Variants in GCA observed in about 807,000 individuals in gnomAD.
The protein encoded by GCA is grancalcin.
In GCA, 30 loss-of-function variants were observed where a neutral mutation model predicts 32.6. That is an observed-to-expected ratio of 0.92 (90% CI 0.69 to 1.25). GCA has a LOEUF of 1.25. GCA is among the 50% of genes most tolerant of loss of function. The probability of loss-of-function intolerance (pLI) is 0.00; values close to 1 mark genes in which losing one functional copy is unlikely to be tolerated. For synonymous variants in GCA, 102 were observed against 84.6 expected (o/e 1.21, Z -1.13); for missense variants, 291 against 266.8 (o/e 1.09, Z -0.63).
In GCA at chr2:162,352,263, A is replaced by T. The variant is rs1223863569; in HGVS notation, c.193-75A>T. The T allele has an allele frequency of 1.1e-5, 10 of 875,862 alleles. No homozygotes were observed. The East Asian group carries it at 2.4e-4, about 21-fold the overall frequency. The allele number at this position is 875,862 out of a possible 1,614,324, so 54.3% of individuals were successfully genotyped here. ...AGAATGCATATGTCTTGATTGGCCT[A>T]GAACAGTCAATTGACATTTTAATAT... On this transcript the variant is annotated intron_variant, in intron 2 of 7. Coordinates refer to ENST00000437150, the MANE Select transcript of GCA (RefSeq NM_012198.5).
At chr2:162,327,599 C>G (rs748647721) in intron 1 of GCA, among the ~76,000 whole-genome samples, 4 of 152,136 alleles carry the variant, frequency 2.6e-5, no homozygotes, top group Non-Finnish European at 5.9e-5. Context: ...TGCTCCTGCT[C>G]CCCCTATTGG....
At chr2:162,344,426 A>G (rs1372447414) in intron 1 of GCA, 151 bp downstream of exon 1, 5 of 722,494 alleles carry the variant, frequency 6.9e-6, no homozygotes, top group Non-Finnish European at 1.2e-5. Flanking sequence ...GTTGGGGGCC[A>G]GGGCCTGGGC....
rs1684555591 is a variant in GCA, at chr2:162,344,201, T to G, written c.-48T>G. ...GCGCCTGTGCTTTTTCTCCCAGCAC[T>G]GCGGACGCGACTCGAGGGTGACGCT... On this transcript the variant is annotated 5_prime_UTR_variant, in exon 1 of 8. Transcript: ENST00000437150. The G allele has an allele frequency of 6.2e-7, 1 of 1,611,950 alleles. No homozygotes were observed. The highest frequency in any genetic ancestry group is 8.5e-7 in the Non-Finnish European group (1 of 1,178,406).
chr2:162,360,763 AT>A lies in GCA; in HGVS notation c.*521del, dbSNP rs10713741. The A allele has an allele frequency of 7.9e-3, 10,956 of 1,380,548 alleles. 695 individuals carry two copies. The Admixed American group carries it at 0.15, about 19-fold the overall frequency. 85.5% of individuals were successfully genotyped at this position (1,380,548 alleles called of 1,614,324 possible). A position where few individuals can be genotyped will look rare whatever the true frequency, so the allele number is the denominator to read the frequency against. On this transcript the variant is annotated 3_prime_UTR_variant, in exon 8 of 8. Coordinates refer to ENST00000437150, the MANE Select transcript of GCA (RefSeq NM_012198.5). ...ATAATCAGAGAAAAGAAACTTAAAGATCTTTGTCTGTGAAGAAGAAAATTAT... is the reference window on the plus strand; with the variant it reads ...ATAATCAGAGAAAAGAAACTTAAAGACTTTGTCTGTGAAGAAGAAAATTAT...
intron 3 of GCA, 55 bp downstream of exon 3, chr2:162,352,462 C>CT (rs1443172104): frequency 7.6e-6 from 8 of 1,049,160 alleles, no homozygotes; most frequent in Non-Finnish European, 1.2e-5. Flanking sequence ...TATTTTCTTA[C>CT]TTTTTTTGTC....
At chr2:162,370,624 C>A (rs1685898834) in intron 4 of GCA, among the ~76,000 whole-genome samples, 1 of 151,990 alleles carries the variant, frequency 6.6e-6, no homozygotes, top group African/African-American at 2.4e-5. Context: ...TGAAATTTTA[C>A]TGCTGGTATG....
chr2:162,337,711 G>C (rs1035306467), intron 1 of GCA, among the ~76,000 whole-genome samples: 1 of 152,132 alleles, frequency 6.6e-6, no homozygotes, highest in Non-Finnish European at 1.5e-5. Flanking sequence ...CTTTGTACCA[G>C]GAGAGTACTA....
At chr2:162,368,461 TTAAA>T (rs1429505418) in intron 4 of GCA, among the ~76,000 whole-genome samples, 1 of 151,992 alleles carries the variant, frequency 6.6e-6, no homozygotes. Context: ...GATACTGTTG[TTAAA>T]TAACAGTATC....
rs1452024748 is a variant in GCA, at chr2:162,321,923, TATATATATATAC to T, written c.-31+2700_-31+2711del. Among the ~76,000 whole-genome samples, 819 of 87,862 alleles carry T rather than the reference TATATATATATAC, an allele frequency of 9.3e-3. 37 individuals carry two copies. Among genetic ancestry groups the T allele is most frequent in the African/African-American group, 0.05 (767 of 15,294 alleles). 57.6% of individuals were successfully genotyped at this position (87,862 alleles called of 152,430 possible). On this transcript the variant is annotated intron_variant, in intron 1 of 4. Transcript: ENST00000429691. ...ATATATATATATATATATATATATA[TATATATATATAC>T]ACACATACATATAAACACTATATAA...
At chr2:162,374,307 C>A (rs1466732556), downstream of GCA, among the ~76,000 whole-genome samples, 1 of 152,140 alleles carries the variant, frequency 6.6e-6, no homozygotes, top group East Asian at 1.9e-4. Context: ...ATCTGGCCTG[C>A]AAAATACCAG....
At position 162,361,188 on chromosome 2, in the gene GCA, A is replaced by G; in HGVS notation, c.*945A>G. 1.0e-6 allele frequency: 1 copy of G among 985,176 alleles called. No individual in the cohort carries two copies. 61.0% of individuals were successfully genotyped at this position (985,176 alleles called of 1,614,324 possible). ...ACATTAGTGGTGGCTTTGCCATTAAAAACCCAGTAAGTATTTTGAGTGCAT... is the reference window on the plus strand; with the variant it reads ...ACATTAGTGGTGGCTTTGCCATTAAGAACCCAGTAAGTATTTTGAGTGCAT... On this transcript the variant is annotated 3_prime_UTR_variant, in exon 8 of 8. Transcript: ENST00000437150.
At chr2:162,334,593 T>C (rs1684203004) in intron 1 of GCA, among the ~76,000 whole-genome samples, 2 of 152,226 alleles carry the variant, frequency 1.3e-5, no homozygotes, top group South Asian at 4.1e-4. Context: ...CCTGCACCTT[T>C]CTTTTGTGAT....
downstream of GCA, among the ~76,000 whole-genome samples, chr2:162,364,043 G>A (rs1685675945): frequency 3.3e-5 from 5 of 151,498 alleles, no homozygotes; most frequent in Admixed American, 3.3e-4. Context: ...CCGGGAGTGA[G>A]AATTGGCCTA....
At chr2:162,341,264 ATT>A (rs1393395830), upstream of GCA, among the ~76,000 whole-genome samples, 1 of 90,028 alleles carries the variant, frequency 1.1e-5, no homozygotes, top group Non-Finnish European at 2.1e-5. Context: ...TGTCTTATTT[ATT>A]TTATATATAT....
chr2:162,360,614 C>T lies in GCA; in HGVS notation c.*371C>T. On this transcript the variant is annotated 3_prime_UTR_variant, in exon 8 of 8. Transcript: ENST00000437150. ...AAAGCCTAGAAAAAACTAATTTATA[C>T]TTATCTGAAGGTTACAAATTAGACT... 8.3e-7 allele frequency: 1 copy of T among 1,208,526 alleles called. No individual in the cohort carries two copies. The highest frequency in any genetic ancestry group is 1.0e-6 in the Non-Finnish European group (1 of 959,252). The allele number at this position is 1,208,526 out of a possible 1,614,324, so 74.9% of individuals were successfully genotyped here. A position where few individuals can be genotyped will look rare whatever the true frequency, so the allele number is the denominator to read the frequency against.
upstream of GCA, among the ~76,000 whole-genome samples, chr2:162,341,367 C>G (rs908188668): frequency 6.8e-6 from 1 of 147,870 alleles, no homozygotes; most frequent in Admixed American, 6.8e-5. Flanking sequence ...TGACTCTTTT[C>G]TCTCCCTCAT....
downstream of GCA, among the ~76,000 whole-genome samples, chr2:162,366,339 C>T (rs571941817): frequency 9.2e-5 from 14 of 151,796 alleles, no homozygotes; most frequent in South Asian, 2.9e-3. Context: ...GATATGGTTC[C>T]GTGTTCTTAA....
At chr2:162,343,989 C>T, upstream of GCA, 2 of 564,384 alleles carry the variant, frequency 3.5e-6, no homozygotes, top group Non-Finnish European at 6.4e-6. Context: ...CCAATCAGGG[C>T]AGAGATGGGT....
At chr2:162,366,758 A>G (rs12475839), downstream of GCA, among the ~76,000 whole-genome samples, 3,130 of 152,070 alleles carry the variant, frequency 0.021, 217 homozygotes, top group Admixed American at 0.15. Context: ...TGCAATGCAA[A>G]TGTATAAGTT....
Sources: gnomAD v4.1 joint callset for allele counts (sites outside exome capture counted in the v4.1 genomes callset) on GRCh38, gnomAD v4.1.1 for gene constraint, MANE v1.5 for transcripts, NCBI Gene and HGNC (gene_info 2026-07-23, HGNC 2026-07-21) for gene names.